Variants in BRDT observed in about 807,000 individuals in gnomAD.
BRDT encodes bromodomain testis-specific protein.
BRDT carries 77 observed loss-of-function variants against 113.9 expected under a neutral mutation model. The observed-to-expected ratio is 0.68, with a 90% CI of 0.56 to 0.82. BRDT has a LOEUF of 0.82. Among genes scored for constraint, BRDT ranks in the 40% least tolerant of loss-of-function variants. The pLI is 0.00. For missense variants in BRDT, 1,027 were observed against 1,105.4 expected (o/e 0.93, Z 1.01); for synonymous variants, 358 against 366.5 (o/e 0.98, Z 0.26).
At chr1:91,994,767 C>G (rs868583712) in intron 15 of BRDT, among the ~76,000 whole-genome samples, 6 of 143,516 alleles carry the variant, frequency 4.2e-5, no homozygotes, top group African/African-American at 1.5e-4. Context: ...ACTTGGGAGG[C>G]TGAGGCAGGA....
At chr1:92,013,483 T>A (rs963603601) in intron 18 of BRDT, among the ~76,000 whole-genome samples, 1 of 152,172 alleles carries the variant, frequency 6.6e-6, no homozygotes, top group African/African-American at 2.4e-5. Context: ...TATTGATTTA[T>A]TTTTTAAAAA....
chr1:91,975,592 G>T (rs1400710885), intron 4 of BRDT, among the ~76,000 whole-genome samples: 1 of 152,186 alleles, frequency 6.6e-6, no homozygotes, highest in African/African-American at 2.4e-5. Context: ...ATGCTAACAG[G>T]GTTTGCTGGC....
chr1:91,950,582 T>C (rs969449826), intron 1 of BRDT: 5 of 149,424 alleles, frequency 3.3e-5, no homozygotes, highest in African/African-American at 1.2e-4. Flanking sequence ...GAGGGACAAA[T>C]AGAAGTTAGA....
At chr1:92,011,331 G>A (rs897210109) in intron 18 of BRDT, among the ~76,000 whole-genome samples, 2 of 152,108 alleles carry the variant, frequency 1.3e-5, no homozygotes, top group African/African-American at 4.8e-5. Flanking sequence ...TGTTGAGCAC[G>A]GGAAATGTAG....
At chr1:91,972,589 A>G (rs1412971991) in intron 4 of BRDT, among the ~76,000 whole-genome samples, 1 of 152,214 alleles carries the variant, frequency 6.6e-6, no homozygotes. Flanking sequence ...TGTTTCTCTC[A>G]TGTAACAAGT....
At chr1:91,957,006 G>A (rs1681846016) in intron 1 of BRDT, among the ~76,000 whole-genome samples, 1 of 152,010 alleles carries the variant, frequency 6.6e-6, no homozygotes, top group African/African-American at 2.4e-5. Context: ...TGGCAAAAAG[G>A]CTTTATAGGT....
intron 16 of BRDT, among the ~76,000 whole-genome samples, chr1:92,003,677 T>A (rs1281900812): frequency 6.6e-6 from 1 of 152,212 alleles, no homozygotes; most frequent in Admixed American, 6.5e-5. Context: ...GATCAATTGT[T>A]TCTAGTAGGA....
chr1:91,952,406 A>G (rs1276195018), intron 1 of BRDT: 1 of 152,244 alleles, frequency 6.6e-6, no homozygotes, highest in African/African-American at 2.4e-5. Context: ...CTTCCTCTGC[A>G]GTCTGGCAGG....
chr1:91,998,904 G>GA, intron 15 of BRDT, among the ~76,000 whole-genome samples: 1 of 152,186 alleles, frequency 6.6e-6, no homozygotes, highest in Non-Finnish European at 1.5e-5. Flanking sequence ...CAGGAATGTG[G>GA]AAAATTACAA....
At chr1:92,004,840 A>C (rs3767853) in intron 17 of BRDT, among the ~76,000 whole-genome samples, 28,768 of 152,048 alleles carry the variant, frequency 0.19, 3,436 homozygotes, top group Middle Eastern at 0.27. Context: ...TAATTACTAA[A>C]TTATATAGTC....
chr1:91,994,124 C>G lies in BRDT; in HGVS notation c.2157C>G (p.Thr719=). ...CVQDTTSANT[T]LVHQTTPSHV... is the part of the protein sequence containing the mutation. ...AAGACACAACCTCTGCCAATACTAC[C>G]CTTGTTCATCAGACCACACCTTCAC... The change falls in exon 15 of 19, where the codon ACC becomes ACG. Residue 719 remains threonine, a synonymous_variant. Coordinates refer to ENST00000399546, the MANE Select transcript of BRDT (RefSeq NM_207189.4). 1 of 1,612,390 alleles carries G rather than the reference C, an allele frequency of 6.2e-7. No homozygotes were observed. The highest frequency in any genetic ancestry group is 8.5e-7 in the Non-Finnish European group (1 of 1,179,464).
intron 2 of BRDT, among the ~76,000 whole-genome samples, chr1:91,963,649 A>AC (rs1682743401): frequency 6.6e-6 from 1 of 152,166 alleles, no homozygotes; most frequent in South Asian, 2.1e-4. Context: ...GTAGTTTACA[A>AC]TATAGCTAGT....
chr1:91,957,569 C>T (rs1314613876), intron 1 of BRDT: 2 of 152,148 alleles, frequency 1.3e-5, no homozygotes, highest in Non-Finnish European at 2.9e-5. Flanking sequence ...TTCCCATCTA[C>T]CCCGTTTCAA....
rs78325917 is a variant in BRDT, at chr1:92,002,375, T to G, written c.2388+226T>G. Reference sequence around the variant, plus strand: ...TTGTTTGTGTTTTTTTGTTGTTGTTTTTTTTTGAGATGGAGTCTCACTCTG... The same window carrying G: ...TTGTTTGTGTTTTTTTGTTGTTGTTGTTTTTTGAGATGGAGTCTCACTCTG... On this transcript the variant is annotated intron_variant, in intron 16 of 18. Coordinates refer to ENST00000399546, the MANE Select transcript of BRDT (RefSeq NM_207189.4). 6.6e-3 allele frequency among the ~76,000 whole-genome samples: 1,003 copies of G among 152,270 alleles called. 4 individuals carry two copies. Among genetic ancestry groups the G allele is most frequent in the Non-Finnish European group, 0.011 (776 of 68,020 alleles).
chr1:91,981,480 T>C (rs1047139642), intron 11 of BRDT, 99 bp downstream of exon 11: 2 of 1,510,110 alleles, frequency 1.3e-6, no homozygotes, highest in African/African-American at 1.4e-5. Flanking sequence ...CCTGGCCTCA[T>C]GTGATCCTCC....
At chr1:91,978,395 C>A in intron 7 of BRDT, 99 bp downstream of exon 7, 1 of 1,387,480 alleles carries the variant, frequency 7.2e-7, no homozygotes, top group Non-Finnish European at 9.8e-7. Flanking sequence ...ATAACTCCTA[C>A]ACCTCTAAGT....
chr1:91,976,483 T>A, intron 5 of BRDT, 45 bp downstream of exon 5: 1 of 1,159,844 alleles, frequency 8.6e-7, no homozygotes, highest in Non-Finnish European at 1.1e-6. Context: ...TAACACTGGA[T>A]TTTTTTTTTC....
chr1:91,976,183 T>C, intron 4 of BRDT, 83 bp from the exon 5 acceptor site: 1 of 1,350,692 alleles, frequency 7.4e-7, no homozygotes, highest in Non-Finnish European at 9.9e-7. Context: ...AAAGCTGAAC[T>C]AAATGAAATA....
At chr1:91,961,021 T>C (rs990474453) in intron 1 of BRDT, among the ~76,000 whole-genome samples, 1 of 152,160 alleles carries the variant, frequency 6.6e-6, no homozygotes, top group Non-Finnish European at 1.5e-5. Flanking sequence ...TTAAAATAAA[T>C]CACTTTGGGT....
Sources: allele counts gnomAD v4.1 joint callset (sites outside exome capture counted in the v4.1 genomes callset), GRCh38; gene constraint gnomAD v4.1.1; transcripts MANE v1.5; gene names NCBI Gene and HGNC (gene_info 2026-07-23, HGNC 2026-07-21).